The following NEDD4L variants were observed in gnomAD, a reference collection of about 807,000 sequenced individuals.
NEDD4L encodes E3 ubiquitin-protein ligase NEDD4-like.
Under a neutral mutation model 148.9 loss-of-function variants are expected in NEDD4L, and 54 were observed. The observed-to-expected ratio is 0.36, with a 90% CI of 0.29 to 0.45. NEDD4L has a LOEUF of 0.45. NEDD4L is among the 20% of genes least tolerant of loss of function. The probability of loss-of-function intolerance (pLI) is 1.00; values close to 1 mark genes in which losing one functional copy is unlikely to be tolerated. For missense variants in NEDD4L, 856 were observed against 1,233.8 expected (o/e 0.69, Z 4.59); for synonymous variants, 433 against 440.7 (o/e 0.98, Z 0.22).
At chr18:58,298,001 A>G (rs1703340735) in intron 5 of NEDD4L, among the ~76,000 whole-genome samples, 1 of 152,162 alleles carries the variant, frequency 6.6e-6, no homozygotes, top group Non-Finnish European at 1.5e-5. Context: ...TCTCCAGTAA[A>G]ATAGCAGTTT....
intron 30 of NEDD4L, 68 bp downstream of exon 30, chr18:58,391,627 T>C: frequency 1.8e-6 from 2 of 1,097,016 alleles, no homozygotes; most frequent in Non-Finnish European, 1.4e-6. Context: ...GGTGCTGGGC[T>C]CAAGGCTATT....
At chr18:58,086,581 GATA>G (rs1443950130) in intron 1 of NEDD4L, among the ~76,000 whole-genome samples, 1 of 152,108 alleles carries the variant, frequency 6.6e-6, no homozygotes, top group Non-Finnish European at 1.5e-5. Context: ...TTGTTGTTCT[GATA>G]TTTCCACACA....
intron 1 of NEDD4L, among the ~76,000 whole-genome samples, chr18:58,114,670 A>G (rs1309244495): frequency 1.7e-5 from 1 of 59,944 alleles, no homozygotes; most frequent in African/African-American, 2.8e-4. Context: ...ATTATATCTC[A>G]TAGTCATAGT....
intron 1 of NEDD4L, among the ~76,000 whole-genome samples, chr18:58,144,820 T>C (rs989327018): frequency 6.6e-6 from 1 of 152,190 alleles, no homozygotes; most frequent in African/African-American, 2.4e-5. Context: ...TACTGCTATG[T>C]CCACAGCACC....
rs1439431266 is a variant in NEDD4L at position 58,366,086 on chromosome 18, C to G, written c.1921C>G (p.Pro641Ala). ...SYRRIMSVKRPDVLKARLWIE... is the reference protein window; with the variant it reads ...SYRRIMSVKRADVLKARLWIE... The stretch of plus-strand genomic sequence containing the variant: ...TCGGAGAATTATGTCCGTGAAAAGA[C>G]CAGATGTCCTAAAAGCTAGACTGTG... Residue 641 changes from proline (P) to alanine (A), a missense_variant, in exon 21 of 31, where the codon CCA becomes GCA. This residue lies in a region of NEDD4L where 286 missense variants were observed against 531.8 expected (regional missense o/e 0.54). Transcript: ENST00000400345. The surrounding 1 kb of genome is among the most constrained non-coding windows in gnomAD (Gnocchi z 4.2). 6.2e-7 allele frequency: 1 copy of G among 1,613,388 alleles called. No homozygotes were observed. Among genetic ancestry groups the G allele is most frequent in the Non-Finnish European group, 8.5e-7 (1 of 1,179,642 alleles).
At chr18:58,155,501 C>A (rs2035374149) in intron 1 of NEDD4L, among the ~76,000 whole-genome samples, 1 of 152,078 alleles carries the variant, frequency 6.6e-6, no homozygotes, top group East Asian at 1.9e-4. Flanking sequence ...GCTAGTGAGT[C>A]TTTGATGTGA....
chr18:58,373,118 T>G, intron 23 of NEDD4L, 56 bp from the exon 24 acceptor site: 1 of 896,748 alleles, frequency 1.1e-6, no homozygotes, highest in Non-Finnish European at 1.8e-6. Context: ...AGAAGTCAAA[T>G]GAGTTTGTAT....
intron 1 of NEDD4L, among the ~76,000 whole-genome samples, chr18:58,085,589 AT>A (rs2083721122): frequency 2.0e-5 from 3 of 152,220 alleles, no homozygotes; most frequent in Admixed American, 2.0e-4. Context: ...ATCTGAGATG[AT>A]GTCACAGTTT....
chr18:58,154,994 A>G (rs970545444), intron 1 of NEDD4L, among the ~76,000 whole-genome samples: 4 of 152,260 alleles, frequency 2.6e-5, no homozygotes, highest in Admixed American at 6.5e-5. Context: ...CAATTCAAAA[A>G]TAATCAAACT....
intron 1 of NEDD4L, among the ~76,000 whole-genome samples, chr18:58,049,584 T>C (rs990416800): frequency 6.6e-6 from 1 of 152,134 alleles, no homozygotes; most frequent in South Asian, 2.1e-4. Flanking sequence ...CCAGGACATA[T>C]AGGTAATGTT....
intron 1 of NEDD4L, among the ~76,000 whole-genome samples, chr18:58,058,920 T>C (rs1942565): frequency 0.81 from 123,003 of 152,196 alleles, 50,268 homozygotes; most frequent in East Asian, 1. Flanking sequence ...CCCAATGATT[T>C]ATCTCCAGTC....
At chr18:58,239,506 C>T (rs865822094) in intron 2 of NEDD4L, among the ~76,000 whole-genome samples, 1 of 152,246 alleles carries the variant, frequency 6.6e-6, no homozygotes, top group South Asian at 2.1e-4. Context: ...CCCCTCTCCC[C>T]TTACGACCCT....
At chr18:58,342,465 ACT>A (rs1402362214) in intron 15 of NEDD4L, among the ~76,000 whole-genome samples, 1 of 152,250 alleles carries the variant, frequency 6.6e-6, no homozygotes, top group South Asian at 2.1e-4. Flanking sequence ...TCTCTTCCAC[ACT>A]CTGATATGAA....
rs538895177 is a variant in NEDD4L at position 58,159,209 on chromosome 18, A to G, written c.49-6579A>G. 1.6e-3 allele frequency among the ~76,000 whole-genome samples: 236 copies of G among 152,176 alleles called. 1 individual carries two copies. Among genetic ancestry groups the G allele is most frequent in the Non-Finnish European group, 3.5e-4 (24 of 68,014 alleles). On this transcript the variant is annotated intron_variant, in intron 1 of 30. Coordinates refer to ENST00000400345, the MANE Select transcript of NEDD4L (RefSeq NM_001144967.3). Reference sequence around the variant, plus strand: ...AAGGTGTGTGGGGTGGGGACGCAATAGGACAGTGTGTGAGATTTTTTAAAA... The same window carrying G: ...AAGGTGTGTGGGGTGGGGACGCAATGGGACAGTGTGTGAGATTTTTTAAAA...
intron 5 of NEDD4L, among the ~76,000 whole-genome samples, chr18:58,315,308 G>A (rs1258279385): frequency 6.6e-6 from 1 of 152,022 alleles, no homozygotes; most frequent in African/African-American, 2.4e-5. Flanking sequence ...GCCTGAGAGG[G>A]GACTGGTGCG....
rs115374921 is a variant in NEDD4L, at chr18:58,297,471, T to G, written c.298-18511T>G. Among the ~76,000 whole-genome samples, 1,129 of 152,302 alleles carry G rather than the reference T, an allele frequency of 7.4e-3. 18 individuals are homozygous for G. Among genetic ancestry groups the G allele is most frequent in the African/African-American group, 0.026 (1,076 of 41,558 alleles). On this transcript the variant is annotated intron_variant, in intron 5 of 30. Coordinates refer to ENST00000400345, the MANE Select transcript of NEDD4L (RefSeq NM_001144967.3). The stretch of plus-strand genomic sequence containing the variant: ...CTTGCCCTGAGGTTGCTTGTGGTTT[T>G]GTTGGAAGAGAAGACGTGTGTGTAA...
chr18:58,188,273 G>C lies in NEDD4L; in HGVS notation c.122+22412G>C, dbSNP rs566087147. On this transcript the variant is annotated intron_variant, in intron 2 of 30. Coordinates refer to ENST00000400345, the MANE Select transcript of NEDD4L (RefSeq NM_001144967.3). Reference sequence around the variant, plus strand: ...GGAGATGAGTGAAAATGTGCATACAGAACATAGGGCTCAAAGGGACCCTAG... The same window carrying C: ...GGAGATGAGTGAAAATGTGCATACACAACATAGGGCTCAAAGGGACCCTAG... 2.6e-5 allele frequency among the ~76,000 whole-genome samples: 4 copies of C among 152,328 alleles called. No individual in the cohort carries two copies. The East Asian group carries it at 7.7e-4, about 29-fold the overall frequency.
chr18:58,304,653 C>G (rs2056867665), intron 5 of NEDD4L, among the ~76,000 whole-genome samples: 2 of 152,168 alleles, frequency 1.3e-5, no homozygotes, highest in Non-Finnish European at 2.9e-5. Flanking sequence ...TTTGGTTGTT[C>G]AGCTACTTCT....
intron 16 of NEDD4L, among the ~76,000 whole-genome samples, chr18:58,348,784 A>G (rs1304064016): frequency 2.0e-5 from 3 of 152,140 alleles, no homozygotes; most frequent in African/African-American, 7.2e-5. Context: ...ACATCTGACC[A>G]TGCCTCATAA....
Sources: allele counts gnomAD v4.1 joint callset (sites outside exome capture counted in the v4.1 genomes callset), GRCh38; gene constraint gnomAD v4.1.1; regional missense constraint gnomAD v4.1.1; non-coding constraint Gnocchi (gnomAD v3.1); transcripts MANE v1.5; gene names NCBI Gene and HGNC (gene_info 2026-07-23, HGNC 2026-07-21).